The following PELP1 variants were observed in gnomAD, a reference collection of about 807,000 sequenced individuals.
PELP1 encodes proline-, glutamic acid- and leucine-rich protein 1.
A neutral mutation model predicts 95.5 loss-of-function variants in PELP1; 32 were observed. The ratio of observed to expected loss-of-function variants is 0.34; its 90% CI spans 0.25 to 0.45. The LOEUF (loss-of-function observed/expected upper bound fraction) is 0.45. PELP1 is among the 20% of genes least tolerant of loss of function. PELP1 has a pLI of 1.00. For synonymous variants in PELP1, 668 were observed against 600.1 expected, an observed-to-expected ratio of 1.11 and a Z score of -1.65; for missense variants, 1,358 against 1,444.8, an observed-to-expected ratio of 0.94 and a Z score of 0.97.
In PELP1 at chr17:4,673,786, C is replaced by T; in HGVS notation, c.1583-112G>A. The T allele has an allele frequency of 1.2e-6, 1 of 863,774 alleles. No homozygotes were observed. The highest frequency in any genetic ancestry group is 2.0e-6 in the Non-Finnish European group (1 of 500,788). The allele number at this position is 863,774 out of a possible 1,614,324, so 53.5% of individuals were successfully genotyped here. ...CAACTCTGCCACTGCCTATCTTGGC[C>T]AAGTCATTTAACTTCTCAACTAGAA... On this transcript the variant is annotated intron_variant, in intron 13 of 16. Coordinates refer to ENST00000572293, the MANE Select transcript of PELP1 (RefSeq NM_014389.3). This position sits in a 1 kb window ranked among gnomAD's most constrained non-coding sequence, Gnocchi z 5.7.
intron 3 of PELP1, among the ~76,000 whole-genome samples, chr17:4,688,857 T>C (rs4790678): frequency 0.98 from 148,909 of 152,284 alleles, 72,888 homozygotes; most frequent in Middle Eastern, 1. Flanking sequence ...TCCAAAAATT[T>C]ATATGGAACC....
intron 1 of PELP1, among the ~76,000 whole-genome samples, chr17:4,702,287 C>T (rs1913569832): frequency 6.6e-6 from 1 of 152,022 alleles, no homozygotes; most frequent in African/African-American, 2.4e-5. Context: ...GGCATGGTGG[C>T]GCATGCCTGT....
intron 1 of PELP1, among the ~76,000 whole-genome samples, chr17:4,702,175 T>G (rs1423126797): frequency 6.6e-6 from 1 of 152,146 alleles, no homozygotes; most frequent in Non-Finnish European, 1.5e-5. Flanking sequence ...TTCCAGCACT[T>G]TGGGAAGCCA....
At chr17:4,694,643 G>A (rs529371206) in intron 1 of PELP1, among the ~76,000 whole-genome samples, 46 of 141,786 alleles carry the variant, frequency 3.2e-4, no homozygotes, top group African/African-American at 1.2e-3. Context: ...CTGGGTGACA[G>A]AATGAGACTC....
intron 3 of PELP1, among the ~76,000 whole-genome samples, chr17:4,684,980 T>C (rs1044224932): frequency 6.6e-6 from 1 of 152,190 alleles, no homozygotes; most frequent in Non-Finnish European, 1.5e-5. Flanking sequence ...ATTACAGGGG[T>C]GAGCCACCAA....
At position 4,694,497 on chromosome 17, in the gene PELP1, C is replaced by A. The variant is rs7503006; in HGVS notation, c.250-3055G>T. Among the ~76,000 whole-genome samples the A allele has an allele frequency of 1.2e-3, 64 of 54,622 alleles. 1 individual carries two copies. The highest frequency in any genetic ancestry group is 2.1e-3 in the Admixed American group (8 of 3,876). 35.8% of individuals were successfully genotyped at this position (54,622 alleles called of 152,430 possible). ...TGAAACGCCATCTCTACCAAAAATA[C>A]AAAAAAAAAAAAATCAGCCAGGCGT... On this transcript the variant is annotated intron_variant, in intron 1 of 16. Transcript: ENST00000572293.
chr17:4,701,326 G>GT (rs1025928629), intron 1 of PELP1, among the ~76,000 whole-genome samples: 1 of 151,434 alleles, frequency 6.6e-6, no homozygotes, highest in Non-Finnish European at 1.5e-5. Context: ...ATGAGAGTTG[G>GT]GGGGGTGGGG....
chr17:4,676,875 C>A (rs1912503299), intron 5 of PELP1, 63 bp from the exon 6 acceptor site: 1 of 1,220,984 alleles, frequency 8.2e-7, no homozygotes, highest in Admixed American at 2.0e-5. Flanking sequence ...AGATGTACAT[C>A]CCATCCGTTC....
At chr17:4,690,800 A>G (rs1913071024) in intron 3 of PELP1, 88 bp downstream of exon 3, 5 of 814,066 alleles carry the variant, frequency 6.1e-6, no homozygotes, top group Admixed American at 3.8e-5. Flanking sequence ...CCAGAACTAC[A>G]TGTCCAAGTT....
chr17:4,676,554 G>C, intron 6 of PELP1, 47 bp from the exon 7 acceptor site: 1 of 1,605,558 alleles, frequency 6.2e-7, no homozygotes, highest in African/African-American at 1.3e-5. Context: ...ATCCAGCCCA[G>C]CCACAGAACC....
Position 4,676,769 on chromosome 17 carries a change from C to T in PELP1, c.686G>A (p.Ser229Asn), listed in dbSNP as rs745503734. 1 of 1,570,806 alleles carries T rather than the reference C, an allele frequency of 6.4e-7. No homozygotes were observed. The highest frequency in any genetic ancestry group is 8.6e-7 in the Non-Finnish European group (1 of 1,157,538). The change falls in exon 6 of 17, where the codon AGC becomes AAC. Residue 229 changes from serine to asparagine, a missense_variant. Transcript: ENST00000572293. ...SFFLSRVDAL[S>N]PQLQQLACEC... The stretch of plus-strand genomic sequence containing the variant: ...GCCCTTTACCTGTTGGAGCTGAGGG[C>T]TCAAGGCATCCACCCTAGACAGAAA...
Position 4,682,537 on chromosome 17 carries a change from T to C in PELP1, c.607A>G (p.Met203Val). ...QSALEGMKACMTYFPRACGSL... is the reference protein window; with the variant it reads ...QSALEGMKACVTYFPRACGSL... Reference sequence around the variant, plus strand: ...CCACAAGCCCGAGGGAAATAGGTCATACAAGCCTTCATTCCTTCCAATGCT... The same window carrying C: ...CCACAAGCCCGAGGGAAATAGGTCACACAAGCCTTCATTCCTTCCAATGCT... The change falls in exon 5 of 17, where the codon ATG (methionine) becomes GTG (valine). Residue 203 changes from methionine to valine, a missense_variant. Coordinates refer to ENST00000572293, the MANE Select transcript of PELP1 (RefSeq NM_014389.3). 1 of 1,613,394 alleles carries C rather than the reference T, an allele frequency of 6.2e-7. No homozygotes were observed. The highest frequency in any genetic ancestry group is 1.1e-5 in the South Asian group (1 of 91,062).
At chr17:4,683,275 C>T (rs1477513360) in intron 3 of PELP1, among the ~76,000 whole-genome samples, 3 of 147,420 alleles carry the variant, frequency 2.0e-5, no homozygotes, top group Middle Eastern at 3.4e-3. Flanking sequence ...GGCTGGAGTG[C>T]AGTGGCGCGA....
Position 4,671,542 on chromosome 17 carries a change from C to A in PELP1, c.3301-11G>T. On this transcript the variant is annotated splice_polypyrimidine_tract_variant and intron_variant, in intron 16 of 16. Transcript: ENST00000572293. ...TGTGTCATCCTGCTCCTTTTAGGCA[C>A]AAAGATACAAGATTCAGAATAGTCA... is the stretch of plus-strand genomic sequence containing the variant. 1 of 1,613,520 alleles carries A rather than the reference C, an allele frequency of 6.2e-7. No homozygotes were observed. The highest frequency in any genetic ancestry group is 1.1e-5 in the South Asian group (1 of 90,996).
At position 4,670,578 on chromosome 17, in the gene PELP1, C is replaced by G. The variant is rs1446437197; in HGVS notation, c.*861G>C. On this transcript the variant is annotated 3_prime_UTR_variant, in exon 17 of 17. Transcript: ENST00000572293. Reference sequence around the variant, plus strand: ...CCTCTACTAAAAATACAAAAATTAGCCAGGCAGTGGCAGGCGCCTGTAATC... The same window carrying G: ...CCTCTACTAAAAATACAAAAATTAGGCAGGCAGTGGCAGGCGCCTGTAATC... The G allele has an allele frequency of 6.6e-6, 1 of 152,254 alleles. No individual in the cohort carries two copies. Among genetic ancestry groups the G allele is most frequent in the Non-Finnish European group, 1.5e-5 (1 of 68,132 alleles). 9.4% of individuals were successfully genotyped at this position (152,254 alleles called of 1,614,324 possible).
chr17:4,687,811 A>G (rs1912959584), intron 3 of PELP1, among the ~76,000 whole-genome samples: 1 of 152,218 alleles, frequency 6.6e-6, no homozygotes, highest in Non-Finnish European at 1.5e-5. Flanking sequence ...ATGCTTGTTA[A>G]ATAACTAAGT....
At chr17:4,686,994 A>C (rs1439830356) in intron 3 of PELP1, among the ~76,000 whole-genome samples, 1 of 152,148 alleles carries the variant, frequency 6.6e-6, no homozygotes, top group Non-Finnish European at 1.5e-5. Context: ...TTCTAGCCAC[A>C]TGCTGGAATT....
chr17:4,700,992 T>TAAAAAA (rs34278447), intron 1 of PELP1, among the ~76,000 whole-genome samples: 22 of 29,428 alleles, frequency 7.5e-4, no homozygotes, highest in East Asian at 4.2e-3. Flanking sequence ...AAAGTTCCAC[T>TAAAAAA]AAAAAAAAAA....
At chr17:4,702,247 C>T (rs1194343629) in intron 1 of PELP1, among the ~76,000 whole-genome samples, 1 of 152,058 alleles carries the variant, frequency 6.6e-6, no homozygotes, top group East Asian at 1.9e-4. Flanking sequence ...GGCAAAACCC[C>T]GTCTCTACCA....
Sources: allele counts gnomAD v4.1 joint callset (sites outside exome capture counted in the v4.1 genomes callset), GRCh38; gene constraint gnomAD v4.1.1; non-coding constraint Gnocchi (gnomAD v3.1); transcripts MANE v1.5; gene names NCBI Gene and HGNC (gene_info 2026-07-23, HGNC 2026-07-21).